Variants in FGF13 observed in about 807,000 individuals in gnomAD.
FGF13 encodes fibroblast growth factor homologous factor 2.
A neutral mutation model predicts 19.5 loss-of-function variants in FGF13; 2 were observed. The observed-to-expected ratio is 0.10, with a 90% CI of 0.04 to 0.32. FGF13 has a LOEUF of 0.32. Ranked by LOEUF, FGF13 falls within the 10% of genes least tolerant of loss-of-function variation. The probability of loss-of-function intolerance (pLI) is 1.00; values close to 1 mark genes in which losing one functional copy is unlikely to be tolerated. For missense variants in FGF13, 113 were observed against 192.7 expected (o/e 0.59, Z 2.45); for synonymous variants, 72 against 76.9 (o/e 0.94, Z 0.33).
chrX:139,101,528 T>G (rs891620284), intron 1 of FGF13, among the ~76,000 whole-genome samples: 2 of 112,325 alleles, frequency 1.8e-5, no homozygotes, highest in Non-Finnish European at 3.8e-5. Flanking sequence ...TGGGTATTAT[T>G]TTGCCTTTCA....
At chrX:139,167,137 A>C (rs192262110) in intron 1 of FGF13, among the ~76,000 whole-genome samples, 1 of 112,102 alleles carries the variant, frequency 8.9e-6, no homozygotes, top group Non-Finnish European at 1.9e-5. Flanking sequence ...ATTTTATATA[A>C]ATGAATATCT....
intron 1 of FGF13, among the ~76,000 whole-genome samples, chrX:139,176,499 T>C (rs2084186495): frequency 9.1e-6 from 1 of 110,240 alleles, no homozygotes; most frequent in South Asian, 4.0e-4. Context: ...GTTCTTTTAA[T>C]TGTAATGTTA....
intron 1 of FGF13, among the ~76,000 whole-genome samples, chrX:139,104,877 T>A (rs1351296710): frequency 1.8e-5 from 2 of 111,390 alleles, no homozygotes; most frequent in Non-Finnish European, 1.9e-5. Context: ...AGGGTTAGAT[T>A]TTAACATATG....
chrX:138,818,679 C>A (rs1371614177), intron 3 of FGF13, among the ~76,000 whole-genome samples: 1 of 110,769 alleles, frequency 9.0e-6, no homozygotes, highest in East Asian at 2.8e-4. Flanking sequence ...CTTAAACAAG[C>A]AATTCGGTAT....
intron 1 of FGF13, among the ~76,000 whole-genome samples, chrX:139,094,974 T>C (rs1295938619): frequency 8.9e-6 from 1 of 112,797 alleles, no homozygotes; most frequent in Non-Finnish European, 1.9e-5. Flanking sequence ...GAGCTCTGTC[T>C]TGAAACAGCA....
At chrX:138,878,672 T>A (rs1244659523) in intron 1 of FGF13, among the ~76,000 whole-genome samples, 2 of 107,418 alleles carry the variant, frequency 1.9e-5, no homozygotes, top group African/African-American at 3.6e-5. Flanking sequence ...TACCCAGTAA[T>A]GGGATGGCTG....
chrX:138,950,736 G>A (rs2091806835), intron 1 of FGF13, among the ~76,000 whole-genome samples: 1 of 111,609 alleles, frequency 9.0e-6, no homozygotes, highest in African/African-American at 3.3e-5. Flanking sequence ...TGTGCTTGGA[G>A]ATTCAGTTAT....
chrX:139,182,246 T>C (rs1379397517), intron 1 of FGF13, among the ~76,000 whole-genome samples: 3 of 111,899 alleles, frequency 2.7e-5, no homozygotes, highest in Non-Finnish European at 5.6e-5. Flanking sequence ...ATTCTCTCTT[T>C]ACTATGAGAT....
chrX:138,733,821 G>T (rs1345581635), intron 1 of FGF13, among the ~76,000 whole-genome samples: 1 of 110,223 alleles, frequency 9.1e-6, no homozygotes, highest in East Asian at 2.9e-4. Flanking sequence ...GAGGAGCCAA[G>T]AGACTGTTTA....
intron 3 of FGF13, among the ~76,000 whole-genome samples, chrX:138,677,697 G>A (rs1229561617): frequency 8.9e-6 from 1 of 111,901 alleles, no homozygotes; most frequent in Non-Finnish European, 1.9e-5. Context: ...TGGAGACGAT[G>A]TGGAGAAATA....
chrX:138,913,317 C>T (rs1048174386), intron 1 of FGF13, among the ~76,000 whole-genome samples: 16 of 103,446 alleles, frequency 1.5e-4, no homozygotes, highest in African/African-American at 5.6e-4. Context: ...CAGGCGTGTG[C>T]CACTACACCT....
In FGF13 at chrX:138,731,447, TA is replaced by T. The variant is rs531760267; in HGVS notation, c.28+7794del. ...ATTATATATCTAAATAAGTCATGAG[TA>T]AAAAAAAAAAAAATCAAAAAGAAGG... On this transcript the variant is annotated intron_variant, in intron 1 of 4. Coordinates refer to the FGF13 transcript ENST00000305414. Among the ~76,000 whole-genome samples, 596 of 91,251 alleles carry T rather than the reference TA, an allele frequency of 6.5e-3. 2 individuals carry two copies. The highest frequency in any genetic ancestry group is 0.027 in the South Asian group (56 of 2,100). The allele number at this position is 91,251 out of a possible 115,157, so 79.2% of individuals were successfully genotyped here.
chrX:139,090,752 G>A (rs1352239769), intron 1 of FGF13, among the ~76,000 whole-genome samples: 3 of 109,230 alleles, frequency 2.7e-5, no homozygotes, highest in Non-Finnish European at 5.7e-5. Context: ...ACCAGTCTTG[G>A]CAACATGGCA....
intron 1 of FGF13, among the ~76,000 whole-genome samples, chrX:139,165,026 T>G (rs1040433221): frequency 1.8e-5 from 2 of 111,725 alleles, no homozygotes; most frequent in Non-Finnish European, 3.8e-5. Flanking sequence ...CTGGAACTTC[T>G]TAGGGATTAC....
chrX:138,742,105 T>C, upstream of FGF13, among the ~76,000 whole-genome samples: 1 of 112,042 alleles, frequency 8.9e-6, no homozygotes, highest in East Asian at 2.9e-4. Context: ...TCAATTTGAA[T>C]GTGACCTCCT....
intron 1 of FGF13, among the ~76,000 whole-genome samples, chrX:139,135,374 G>A (rs900323545): frequency 8.9e-6 from 1 of 112,435 alleles, no homozygotes; most frequent in Non-Finnish European, 1.9e-5. Context: ...TGTCCAGGCA[G>A]GGTGTGGTCC....
chrX:138,984,666 GAGAAGGTGA>G (rs2091985478), intron 1 of FGF13, among the ~76,000 whole-genome samples: 1 of 28,263 alleles, frequency 3.5e-5, no homozygotes, highest in Non-Finnish European at 9.0e-5. Context: ...GGAGAAGGAG[GAGAAGGTGA>G]AGGAGAAGAA....
At chrX:139,200,087 G>T (rs888507243) in intron 1 of FGF13, among the ~76,000 whole-genome samples, 2 of 111,825 alleles carry the variant, frequency 1.8e-5, no homozygotes, top group Admixed American at 9.5e-5. Context: ...AGAAAAGACC[G>T]TGTGGCTTAT....
chrX:138,778,479 C>T (rs750878511), intron 3 of FGF13, among the ~76,000 whole-genome samples: 7 of 112,267 alleles, frequency 6.2e-5, no homozygotes, highest in Admixed American at 5.6e-4. Context: ...CGAGCCGAAG[C>T]AGGGCGAGGT....
Sources: gnomAD v4.1 joint callset for allele counts (sites outside exome capture counted in the v4.1 genomes callset) on GRCh38, gnomAD v4.1.1 for gene constraint, MANE v1.5 for transcripts, NCBI Gene and HGNC (gene_info 2026-07-23, HGNC 2026-07-21) for gene names.